GATD1: variants seen among roughly 807,000 people sequenced by gnomAD.
GATD1 encodes glutamine amidotransferase-like class 1 domain-containing protein 1.
GATD1 carries 23 observed loss-of-function variants against 25.9 expected under a neutral mutation model. The observed-to-expected ratio is 0.89, with a 90% confidence interval of 0.64 to 1.26. GATD1 has a LOEUF of 1.26. GATD1 is among the 50% of genes most tolerant of loss of function. GATD1 has a pLI of 0.00. For synonymous variants in GATD1, 177 were observed against 134.6 expected (o/e 1.31, Z -2.18); for missense variants, 347 against 312.5 (o/e 1.11, Z -0.83).
At chr11:771,224 C>T in intron 6 of GATD1, 109 bp downstream of exon 6, 1 of 1,547,052 alleles carries the variant, frequency 6.5e-7, no homozygotes, top group Non-Finnish European at 8.7e-7. Context: ...TGAGTCAGTG[C>T]CATGGGGGTC....
intron 3 of GATD1, 25 bp downstream of exon 3, chr11:773,983 C>A (rs1011340982): frequency 2.5e-6 from 4 of 1,608,780 alleles, no homozygotes; most frequent in Non-Finnish European, 3.4e-6. Flanking sequence ...GCACCCCACC[C>A]CCAAGGAGTG....
At chr11:775,951 C>G (rs1339281335) in intron 1 of GATD1, among the ~76,000 whole-genome samples, 1 of 149,412 alleles carries the variant, frequency 6.7e-6, no homozygotes, top group Non-Finnish European at 1.5e-5. Flanking sequence ...GGGCCCAATC[C>G]CTCAGCTTCA....
Position 768,259 on chromosome 11 carries a change from A to G in GATD1, c.*2638T>C, listed in dbSNP as rs1206078632. ...GCCGAGGCGGGCAGATCATGAGGTCAAGAGATCGAGACCATCCTGGCCAAC... is the reference window on the plus strand; with the variant it reads ...GCCGAGGCGGGCAGATCATGAGGTCGAGAGATCGAGACCATCCTGGCCAAC... On this transcript the variant is annotated 3_prime_UTR_variant, in exon 8 of 8. Coordinates refer to ENST00000319863, the MANE Select transcript of GATD1 (RefSeq NM_182612.4). The G allele has an allele frequency of 1.3e-5, 2 of 151,862 alleles. No homozygotes were observed. Among genetic ancestry groups the G allele is most frequent in the Non-Finnish European group, 1.5e-5 (1 of 68,128 alleles). 9.4% of individuals were successfully genotyped at this position (151,862 alleles called of 1,614,324 possible). A position where few individuals can be genotyped will look rare whatever the true frequency, so the allele number is the denominator to read the frequency against.
chr11:773,629 C>G lies in GATD1; in HGVS notation c.248G>C (p.Gly83Ala). 1 of 1,603,874 alleles carries G rather than the reference C, an allele frequency of 6.2e-7. No individual in the cohort carries two copies. The highest frequency in any genetic ancestry group is 8.5e-7 in the Non-Finnish European group (1 of 1,176,514). ...ASPAKLESID[G>A]ARYHALLIPS... is the part of the protein sequence containing the mutation. ...GATCAGGAGGGCATGGTACCGGGCA[C>G]CTGGGGGGAGACCACAAACCAGGTA... Residue 83 changes from glycine to alanine, a missense_variant and splice_region_variant, in exon 4 of 8, where the codon GGT (glycine) becomes GCT (alanine). Physicochemically the swap from Gly to Ala is moderately conservative, Grantham distance 60. Coordinates refer to ENST00000319863, the MANE Select transcript of GATD1 (RefSeq NM_182612.4).
chr11:771,222 T>C, intron 6 of GATD1, 111 bp downstream of exon 6: 1 of 1,546,850 alleles, frequency 6.5e-7, no homozygotes, highest in Non-Finnish European at 8.7e-7. Flanking sequence ...TCTGAGTCAG[T>C]GCCATGGGGG....
At position 770,315 on chromosome 11, in the gene GATD1, C is replaced by G. The variant is rs1197550621; in HGVS notation, c.*582G>C. The G allele has an allele frequency of 6.5e-7, 1 of 1,533,088 alleles. No homozygotes were observed. The highest frequency in any genetic ancestry group is 8.7e-7 in the Non-Finnish European group (1 of 1,145,346). 95.0% of individuals were successfully genotyped at this position (1,533,088 alleles called of 1,614,324 possible). ...AGGGTGCATCACTGAGGTGCTTACA[C>G]TTTGAAACCACACGCCAGGAAGATT... On this transcript the variant is annotated 3_prime_UTR_variant, in exon 8 of 8. Coordinates refer to ENST00000319863, the MANE Select transcript of GATD1 (RefSeq NM_182612.4).
chr11:771,955 G>C (rs1022142336), intron 5 of GATD1, among the ~76,000 whole-genome samples: 6 of 152,122 alleles, frequency 3.9e-5, no homozygotes, highest in Admixed American at 2.6e-4. Context: ...ACCTCTCCCT[G>C]CCTCAGGGCC....
At chr11:771,184 G>A in intron 6 of GATD1, 80 bp from the exon 7 acceptor site, 1 of 1,544,746 alleles carries the variant, frequency 6.5e-7, no homozygotes, top group African/African-American at 1.4e-5. Context: ...CGGGCTCCCA[G>A]GGTCAGCAGT....
At chr11:774,875 G>A (rs1011253971) in intron 2 of GATD1, among the ~76,000 whole-genome samples, 191 bp downstream of exon 2, 2 of 152,114 alleles carry the variant, frequency 1.3e-5, no homozygotes, top group African/African-American at 4.8e-5. Context: ...ACAGATGGGG[G>A]ATCAGAGCCC....
Position 767,661 on chromosome 11 carries a change from A to C in GATD1, c.*3236T>G. The C allele has an allele frequency of 8.0e-7, 1 of 1,245,842 alleles. No individual in the cohort carries two copies. Among genetic ancestry groups the C allele is most frequent in the Non-Finnish European group, 1.0e-6 (1 of 988,498 alleles). 77.2% of individuals were successfully genotyped at this position (1,245,842 alleles called of 1,614,324 possible). A position where few individuals can be genotyped will look rare whatever the true frequency, so the allele number is the denominator to read the frequency against. On this transcript the variant is annotated 3_prime_UTR_variant, in exon 8 of 8. Coordinates refer to ENST00000319863, the MANE Select transcript of GATD1 (RefSeq NM_182612.4). ...CCAAAACCCACCTGCTTAAGTCCTC[A>C]CCTGCAAGGGGATGGTATTAGGTGG...
intron 3 of GATD1, 36 bp from the exon 4 acceptor site, chr11:773,665 G>T: frequency 6.7e-7 from 1 of 1,498,034 alleles, no homozygotes; most frequent in Non-Finnish European, 9.2e-7. Flanking sequence ...GCAGCCACAT[G>T]TCAAAGTGAG....
intron 6 of GATD1, 79 bp from the exon 7 acceptor site, chr11:771,183 A>G (rs1343391563): frequency 1.9e-6 from 3 of 1,544,554 alleles, no homozygotes; most frequent in Non-Finnish European, 2.6e-6. Context: ...GCGGGCTCCC[A>G]GGGTCAGCAG....
In GATD1 at chr11:767,683, G is replaced by A; in HGVS notation, c.*3214C>T. The A allele has an allele frequency of 8.7e-7, 1 of 1,147,226 alleles. No homozygotes were observed. The highest frequency in any genetic ancestry group is 1.1e-6 in the Non-Finnish European group (1 of 923,850). 71.1% of individuals were successfully genotyped at this position (1,147,226 alleles called of 1,614,324 possible). A position where few individuals can be genotyped will look rare whatever the true frequency, so the allele number is the denominator to read the frequency against. On this transcript the variant is annotated 3_prime_UTR_variant, in exon 8 of 8. Transcript: ENST00000319863. ...CTCACCTGCAAGGGGATGGTATTAG[G>A]TGGGGCATTTGGGAGGTCATCCGGT...
rs139605457 is a variant in GATD1 at position 774,441 on chromosome 11, G to A, written c.142-328C>T. Among the ~76,000 whole-genome samples, 40 of 152,346 alleles carry A rather than the reference G, an allele frequency of 2.6e-4. No individual in the cohort carries two copies. In the East Asian group the frequency reaches 6.4e-3, roughly 24 times the overall value. On this transcript the variant is annotated intron_variant, in intron 2 of 7. Transcript: ENST00000319863. ...CTGGGTCCCCCACGATCAGAGGGTGGAGAATTCCTCCCAGTGGAAACATGT... is the reference window on the plus strand; with the variant it reads ...CTGGGTCCCCCACGATCAGAGGGTGAAGAATTCCTCCCAGTGGAAACATGT...
At chr11:775,202 C>T (rs1472061277) in intron 1 of GATD1, 60 bp from the exon 2 acceptor site, 9 of 1,418,444 alleles carry the variant, frequency 6.3e-6, no homozygotes, top group Middle Eastern at 3.7e-4. Flanking sequence ...CCTCAGGGGG[C>T]TACCCAGACA....
chr11:774,699 G>A (rs1405731974), intron 2 of GATD1, among the ~76,000 whole-genome samples: 3 of 152,180 alleles, frequency 2.0e-5, no homozygotes, highest in Admixed American at 6.5e-5. Flanking sequence ...GCGTGGTGGC[G>A]CATGCCTGTA....
chr11:767,434 G>A lies in GATD1; in HGVS notation c.*3463C>T, dbSNP rs1407311228. On this transcript the variant is annotated 3_prime_UTR_variant, in exon 8 of 8. Transcript: ENST00000319863. ...CTCCAAGCCAGAGGCCTCGCACGCA[G>A]CTGAGGAATGACGCAGGGGCCTGCA... The A allele has an allele frequency of 2.3e-5, 34 of 1,502,204 alleles. No homozygotes were observed. In the South Asian group the frequency reaches 3.9e-4, roughly 17 times the overall value. The allele number at this position is 1,502,204 out of a possible 1,614,324, so 93.1% of individuals were successfully genotyped here.
At chr11:772,619 C>T (rs1045401741) in intron 4 of GATD1, 98 bp from the exon 5 acceptor site, 42 of 1,138,382 alleles carry the variant, frequency 3.7e-5, no homozygotes, top group South Asian at 3.3e-4. Flanking sequence ...AGGCTTGTGC[C>T]GCCTGCCTGG....
chr11:775,767 C>CA (rs766147449), intron 1 of GATD1, among the ~76,000 whole-genome samples: 1 of 152,074 alleles, frequency 6.6e-6, no homozygotes, highest in African/African-American at 2.4e-5. Flanking sequence ...TTCGGCCCCT[C>CA]AAAAAACTTT....
Sources: gnomAD v4.1 joint callset for allele counts (sites outside exome capture counted in the v4.1 genomes callset) on GRCh38, gnomAD v4.1.1 for gene constraint, MANE v1.5 for transcripts, NCBI Gene and HGNC (gene_info 2026-07-23, HGNC 2026-07-21) for gene names.